Variants in VPS8 observed in about 807,000 individuals in gnomAD.
VPS8 encodes the protein vacuolar protein sorting-associated protein 8 homolog.
In VPS8, 129 loss-of-function variants were observed where a neutral mutation model predicts 216.4. The observed-to-expected ratio is 0.60, with a 90% CI of 0.52 to 0.69. The LOEUF (loss-of-function observed/expected upper bound fraction) is 0.69, where lower values mean the gene tolerates loss of function less well. Among genes scored for constraint, VPS8 ranks in the 30% least tolerant of loss-of-function variants. The pLI is 0.00. For synonymous variants in VPS8, 571 were observed against 565.4 expected, an observed-to-expected ratio of 1.01 and a Z score of -0.14; for missense variants, 1,531 against 1,683.5, an observed-to-expected ratio of 0.91 and a Z score of 1.59.
At chr3:185,025,609 A>G (rs1757232785) in intron 46 of VPS8, among the ~76,000 whole-genome samples, 1 of 152,220 alleles carries the variant, frequency 6.6e-6, no homozygotes, top group South Asian at 2.1e-4. Flanking sequence ...TTGTCAAGGC[A>G]GTAGGGGCAG....
chr3:184,843,099 C>T (rs1722490636), intron 7 of VPS8, 141 bp from the exon 8 acceptor site: 1 of 506,890 alleles, frequency 2.0e-6, no homozygotes, highest in Non-Finnish European at 3.2e-6. Context: ...ATCACTTAAT[C>T]AAATTTAGTA....
intron 25 of VPS8, among the ~76,000 whole-genome samples, chr3:184,908,221 C>G (rs902612450): frequency 6.6e-6 from 1 of 152,126 alleles, no homozygotes; most frequent in Non-Finnish European, 1.5e-5. Flanking sequence ...AGTAAGCTGC[C>G]AGATAGGTCA....
chr3:184,897,564 C>T (rs2108961323), intron 23 of VPS8, among the ~76,000 whole-genome samples: 1 of 152,178 alleles, frequency 6.6e-6, no homozygotes, highest in East Asian at 1.9e-4. Context: ...GAGGTTAGGG[C>T]TGAAGCTGTA....
intron 34 of VPS8, among the ~76,000 whole-genome samples, chr3:184,932,705 T>C (rs1216264759): frequency 6.6e-6 from 1 of 152,232 alleles, no homozygotes; most frequent in African/African-American, 2.4e-5. Flanking sequence ...TGCCTATTCT[T>C]GAACTTTGTG....
In VPS8 at chr3:184,957,536, G is replaced by C; in HGVS notation, c.3183+15G>C. 6.2e-7 allele frequency: 1 copy of C among 1,600,864 alleles called. No homozygotes were observed. The highest frequency in any genetic ancestry group is 1.1e-5 in the South Asian group (1 of 87,934). ...AAACTATTCAGGTGAGACGAACAAT[G>C]TAAAAGAGACAAGAGTAAACTCTTC... On this transcript the variant is annotated intron_variant, in intron 37 of 47. Coordinates refer to ENST00000625842, the MANE Select transcript of VPS8 (RefSeq NM_001009921.3).
chr3:185,015,057 C>T (rs954981432), intron 45 of VPS8, among the ~76,000 whole-genome samples: 2 of 152,172 alleles, frequency 1.3e-5, no homozygotes, highest in East Asian at 1.9e-4. Flanking sequence ...TTCCAGTCCT[C>T]GAGGATTAAC....
intron 21 of VPS8, among the ~76,000 whole-genome samples, chr3:184,882,790 T>C (rs1730499591): frequency 6.6e-6 from 1 of 152,146 alleles, no homozygotes; most frequent in Admixed American, 6.5e-5. Context: ...GTTTTGATAG[T>C]TGTGTTTTTT....
chr3:185,002,833 C>T (rs1482089869), intron 45 of VPS8, among the ~76,000 whole-genome samples: 4 of 152,204 alleles, frequency 2.6e-5, no homozygotes, highest in Non-Finnish European at 5.9e-5. Flanking sequence ...TACCACATTT[C>T]TTTATGCACT....
intron 29 of VPS8, among the ~76,000 whole-genome samples, chr3:184,922,262 G>T (rs750304117): frequency 6.6e-6 from 1 of 152,146 alleles, no homozygotes; most frequent in Non-Finnish European, 1.5e-5. Context: ...TTGATTAGTT[G>T]CTCCTTGTCT....
At chr3:184,945,733 C>T (rs147158891) in intron 36 of VPS8, among the ~76,000 whole-genome samples, 1 of 152,224 alleles carries the variant, frequency 6.6e-6, no homozygotes, top group Admixed American at 6.5e-5. Context: ...TTCACTGAGA[C>T]CACAATATTA....
intron 37 of VPS8, among the ~76,000 whole-genome samples, chr3:184,959,069 TTGC>T (rs1746073876): frequency 6.6e-6 from 1 of 152,182 alleles, no homozygotes; most frequent in Non-Finnish European, 1.5e-5. Context: ...AGCCATGGGC[TTGC>T]CATCATCAGA....
chr3:184,913,432 T>C (rs1205167492), intron 25 of VPS8, 87 bp from the exon 26 acceptor site: 1 of 1,227,888 alleles, frequency 8.1e-7, no homozygotes, highest in African/African-American at 1.5e-5. Flanking sequence ...AAATGCCAAG[T>C]TTTATTTTTT....
intron 34 of VPS8, among the ~76,000 whole-genome samples, chr3:184,934,067 T>C (rs73188857): frequency 0.021 from 3,166 of 152,352 alleles, 47 homozygotes; most frequent in Non-Finnish European, 0.028. Context: ...TATTGAGTCT[T>C]CATATCTATG....
At chr3:185,037,910 T>C (rs979554020) in intron 46 of VPS8, among the ~76,000 whole-genome samples, 5 of 152,236 alleles carry the variant, frequency 3.3e-5, no homozygotes, top group Admixed American at 2.0e-4. Context: ...TCTGTGAGGA[T>C]ATTTACAGTG....
intron 44 of VPS8, 134 bp from the exon 45 acceptor site, chr3:184,999,555 CTTTCTTG>C: frequency 2.0e-6 from 2 of 1,010,266 alleles, no homozygotes; most frequent in Non-Finnish European, 2.8e-6. Context: ...AGTACATTCC[CTTTCTTG>C]TTTCTTACCC....
chr3:184,849,376 T>C, intron 9 of VPS8, 181 bp downstream of exon 9: 1 of 627,108 alleles, frequency 1.6e-6, no homozygotes. Flanking sequence ...TGTTATCGAC[T>C]GACCCAGAGT....
chr3:184,899,618 C>T (rs906344183), intron 24 of VPS8, among the ~76,000 whole-genome samples: 1 of 152,084 alleles, frequency 6.6e-6, no homozygotes, highest in South Asian at 2.1e-4. Flanking sequence ...GAACACCTCT[C>T]GGCTGCTCCT....
chr3:185,012,291 A>T (rs1032133791), intron 45 of VPS8, among the ~76,000 whole-genome samples: 2 of 147,452 alleles, frequency 1.4e-5, no homozygotes, highest in Non-Finnish European at 1.5e-5. Context: ...TCTATAATTT[A>T]TATATTATAT....
rs548505163 is a variant in VPS8 at position 185,026,017 on chromosome 3, T to A, written c.4056+1628T>A. Among the ~76,000 whole-genome samples the A allele has an allele frequency of 6.6e-5, 10 of 152,316 alleles. No individual in the cohort carries two copies. In the South Asian group the frequency reaches 1.0e-3, roughly 16 times the overall value. On this transcript the variant is annotated intron_variant, in intron 46 of 47. Coordinates refer to ENST00000625842, the MANE Select transcript of VPS8 (RefSeq NM_001009921.3). Reference sequence around the variant, plus strand: ...ATATAGTAAGTACTCAAGCTGTTGTTGACACTAGTATTAAAATGCAGGTCT... The same window carrying A: ...ATATAGTAAGTACTCAAGCTGTTGTAGACACTAGTATTAAAATGCAGGTCT...
Sources: gnomAD v4.1 joint callset for allele counts (sites outside exome capture counted in the v4.1 genomes callset) on GRCh38, gnomAD v4.1.1 for gene constraint, MANE v1.5 for transcripts, NCBI Gene and HGNC (gene_info 2026-07-23, HGNC 2026-07-21) for gene names.